FRY: variants seen among roughly 807,000 people sequenced by gnomAD.
The protein encoded by FRY is FRY microtubule binding protein.
Under a neutral mutation model 348.4 loss-of-function variants are expected in FRY, and 128 were observed. The ratio of observed to expected loss-of-function variants is 0.37; its 90% CI spans 0.32 to 0.43. FRY has a LOEUF of 0.43. Among genes scored for constraint, FRY ranks in the 20% least tolerant of loss-of-function variants. The pLI is 1.00. For synonymous variants in FRY, 1,370 were observed against 1,374.7 expected (o/e 1.00, Z 0.08); for missense variants, 2,736 against 3,695.2 (o/e 0.74, Z 6.73).
At position 32,194,180 on chromosome 13, in the gene FRY, T is replaced by C; in HGVS notation, c.3629T>C (p.Leu1210Pro). The C allele has an allele frequency of 6.2e-7, 1 of 1,614,078 alleles. No homozygotes were observed. The highest frequency in any genetic ancestry group is 1.1e-5 in the South Asian group (1 of 91,092). ...GGCTGCGAAGTTGTTGTCTTGCTAC[T>C]GGAACTTAATCCTGACCAAATAAAT... Reference protein sequence around the residue: ...QLGCEVVVLLLELNPDQINLF... With the variant: ...QLGCEVVVLLPELNPDQINLF... The change falls in exon 29 of 61, where the codon CTG (leucine) becomes CCG (proline). Residue 1210 changes from leucine (L) to proline (P), a missense_variant. Transcript: ENST00000542859.
At position 32,262,602 on chromosome 13, in the gene FRY, C is replaced by A. The variant is rs142533285; in HGVS notation, c.7779+127C>A. 492 of 763,862 alleles carry A rather than the reference C, an allele frequency of 6.4e-4. 11 individuals are homozygous for A. In the East Asian group the frequency reaches 0.012, roughly 19 times the overall value. 47.3% of individuals were successfully genotyped at this position (763,862 alleles called of 1,614,324 possible). On this transcript the variant is annotated intron_variant, in intron 53 of 60. Coordinates refer to ENST00000542859, the MANE Select transcript of FRY (RefSeq NM_023037.3). The stretch of plus-strand genomic sequence containing the variant: ...ACTATCTTTATCTTTTTCTTTCTCT[C>A]TTTTTTAAAATAATAGAAGTTTGTG...
chr13:32,096,578 G>A (rs1442914376), intron 2 of FRY, among the ~76,000 whole-genome samples: 1 of 152,098 alleles, frequency 6.6e-6, no homozygotes, highest in African/African-American at 2.4e-5. Flanking sequence ...ATCACCTGCG[G>A]TCAGGGGTTT....
intron 1 of FRY, among the ~76,000 whole-genome samples, chr13:32,055,456 C>G (rs1321411371): frequency 2.0e-5 from 3 of 152,158 alleles, no homozygotes; most frequent in Non-Finnish European, 4.4e-5. Context: ...TCAGTAGCTT[C>G]CAAACCTGGG....
At chr13:32,076,757 G>A (rs1875086737) in intron 1 of FRY, among the ~76,000 whole-genome samples, 1 of 152,162 alleles carries the variant, frequency 6.6e-6, no homozygotes, top group African/African-American at 2.4e-5. Flanking sequence ...AAAGAACTTT[G>A]TATGACATCT....
At chr13:32,147,741 T>C in intron 12 of FRY, 98 bp from the exon 13 acceptor site, 1 of 794,204 alleles carries the variant, frequency 1.3e-6, no homozygotes, top group Non-Finnish European at 2.3e-6. Flanking sequence ...CTGAATTCTC[T>C]CTGATTCTTA....
intron 20 of FRY, among the ~76,000 whole-genome samples, chr13:32,177,370 T>C (rs1051784960): frequency 2.6e-5 from 4 of 152,098 alleles, no homozygotes; most frequent in Non-Finnish European, 5.9e-5. Context: ...AGGCAGATCA[T>C]TTAGAGTTCA....
rs1238403379 is a variant in FRY, at chr13:32,239,257, C to T, written c.6424C>T (p.Pro2142Ser). 1.9e-6 allele frequency: 3 copies of T among 1,588,932 alleles called. No homozygotes were observed. The highest frequency in any genetic ancestry group is 1.3e-5 in the African/African-American group (1 of 74,430). Residue 2142 changes from proline to serine, a missense_variant, in exon 45 of 61, where the codon CCA (proline) becomes TCA (serine). Physicochemically the swap from Pro to Ser is moderately conservative, Grantham distance 74. Around this residue, in one of 9 missense-constraint regions of FRY, gnomAD observed 789 missense variants for 996.2 expected, o/e 0.79. Coordinates refer to ENST00000542859, the MANE Select transcript of FRY (RefSeq NM_023037.3). This position sits in a 1 kb window ranked among gnomAD's most constrained non-coding sequence, Gnocchi z 4.3. ...TTGTATCTTCTCTAATCCAGGGTTT[C>T]CACTGAATGTCTTGTGTCTCCTGCC... ...MVDASHAIGF[P>S]LNVLCLLPQL... is the part of the protein sequence containing the mutation.
chr13:32,167,759 T>C (rs1409238137), intron 17 of FRY, among the ~76,000 whole-genome samples: 1 of 152,250 alleles, frequency 6.6e-6, no homozygotes, highest in East Asian at 1.9e-4. Context: ...AAGCTTATTT[T>C]CTAAGACCTT....
intron 1 of FRY, among the ~76,000 whole-genome samples, chr13:32,063,879 C>T (rs1339528824): frequency 2.0e-5 from 3 of 152,136 alleles, no homozygotes; most frequent in African/African-American, 7.2e-5. Context: ...AGTTCTGATG[C>T]GAGTCTTGGG....
At chr13:32,245,352 C>G (rs1254670860) in intron 47 of FRY, among the ~76,000 whole-genome samples, 2 of 151,938 alleles carry the variant, frequency 1.3e-5, no homozygotes, top group African/African-American at 2.4e-5. Context: ...ATCCTGTAAT[C>G]CCAGCACTTT....
Position 32,194,151 on chromosome 13 carries a change from A to T in FRY, c.3600A>T (p.Gln1200His), listed in dbSNP as rs754332808. Residue 1200 changes from glutamine to histidine, a missense_variant, in exon 29 of 61, where the codon CAA (glutamine) becomes CAT (histidine). By Grantham distance (24) the Gln-to-His change is conservative. Around this residue, in one of 9 missense-constraint regions of FRY, gnomAD observed 794 missense variants for 977.0 expected, o/e 0.81. Transcript: ENST00000542859. ...TTGCTCCATGTATTCAGGTTCATCA[A>T]CTTGGCTGCGAAGTTGTTGTCTTGC... ...ILACQDLRVH[Q>H]LGCEVVVLLL... 1 of 1,613,882 alleles carries T rather than the reference A, an allele frequency of 6.2e-7. No individual in the cohort carries two copies.
chr13:32,175,740 T>C (rs764757284), intron 20 of FRY, 108 bp downstream of exon 20: 19 of 725,264 alleles, frequency 2.6e-5, no homozygotes, highest in Non-Finnish European at 4.5e-5. Context: ...GTCAGATTAA[T>C]AAACTGACCC....
intron 57 of FRY, 92 bp from the exon 58 acceptor site, chr13:32,278,373 A>G: frequency 1.3e-6 from 1 of 779,256 alleles, no homozygotes; most frequent in East Asian, 2.5e-5. Context: ...TATTATTAGA[A>G]CTTTAATGAA....
At chr13:32,231,498 G>A (rs990082929) in intron 41 of FRY, among the ~76,000 whole-genome samples, 198 bp downstream of exon 41, 10 of 152,148 alleles carry the variant, frequency 6.6e-5, no homozygotes, top group Non-Finnish European at 1.0e-4. Context: ...TTTGCATTAT[G>A]CTATATCAAA....
intron 16 of FRY, among the ~76,000 whole-genome samples, chr13:32,159,916 C>G (rs1881344644): frequency 1.3e-5 from 2 of 152,164 alleles, no homozygotes; most frequent in East Asian, 3.8e-4. Flanking sequence ...TCCTCTTCTC[C>G]AGGGTCCTCA....
At chr13:32,197,189 T>C (rs1883725106) in intron 29 of FRY, among the ~76,000 whole-genome samples, 1 of 152,228 alleles carries the variant, frequency 6.6e-6, no homozygotes, top group Non-Finnish European at 1.5e-5. Flanking sequence ...TTTAAATAAT[T>C]TTGTTGGATT....
At chr13:32,225,452 C>A (rs1296034644) in intron 38 of FRY, among the ~76,000 whole-genome samples, 1 of 152,138 alleles carries the variant, frequency 6.6e-6, no homozygotes, top group African/African-American at 2.4e-5. Context: ...CTCAGAAATT[C>A]AGTAAGAAAG....
chr13:32,050,015 T>C (rs1873238430), intron 1 of FRY, among the ~76,000 whole-genome samples: 1 of 152,366 alleles, frequency 6.6e-6, no homozygotes, highest in East Asian at 1.9e-4. Context: ...CTCTTGACGA[T>C]ACTCAATTGA....
chr13:32,239,387 A>T lies in FRY; in HGVS notation c.6516+38A>T, dbSNP rs969464975. The T allele has an allele frequency of 8.8e-6, 11 of 1,243,618 alleles. No individual in the cohort carries two copies. Among genetic ancestry groups the T allele is most frequent in the African/African-American group, 1.5e-5 (1 of 67,850 alleles). The allele number at this position is 1,243,618 out of a possible 1,614,324, so 77.0% of individuals were successfully genotyped here. The stretch of plus-strand genomic sequence containing the variant: ...GTTCCACACTCAGGCAGATCCATAG[A>T]GGCCTTCAGGACGCCCTAGTGTCAG... On this transcript the variant is annotated intron_variant, in intron 45 of 60. Coordinates refer to ENST00000542859, the MANE Select transcript of FRY (RefSeq NM_023037.3). The surrounding 1 kb of genome is among the most constrained non-coding windows in gnomAD (Gnocchi z 4.3).
Sources: allele counts gnomAD v4.1 joint callset (sites outside exome capture counted in the v4.1 genomes callset), GRCh38; gene constraint gnomAD v4.1.1; regional missense constraint gnomAD v4.1.1; non-coding constraint Gnocchi (gnomAD v3.1); transcripts MANE v1.5; gene names NCBI Gene and HGNC (gene_info 2026-07-23, HGNC 2026-07-21).